Variants in EMCN observed in about 807,000 individuals in gnomAD.
EMCN encodes MUC-14.
Under a neutral mutation model 38.4 loss-of-function variants are expected in EMCN, and 37 were observed. That is an observed-to-expected ratio of 0.96 (90% CI 0.74 to 1.27). EMCN has a LOEUF of 1.27. EMCN is among the 50% of genes most tolerant of loss of function. The probability of loss-of-function intolerance (pLI) is 0.00; values close to 1 mark genes in which losing one functional copy is unlikely to be tolerated. For synonymous variants in EMCN, 95 were observed against 100.8 expected (o/e 0.94, Z 0.35); for missense variants, 318 against 302.8 (o/e 1.05, Z -0.37).
rs566369719 is a variant in EMCN, at chr4:100,434,857, G to A, written c.416-11453C>T. Reference sequence around the variant, plus strand: ...ATGTTAAAAACTCTAAATAAACTGGGTATTGAAGGAACATACCTCTAAATA... The same window carrying A: ...ATGTTAAAAACTCTAAATAAACTGGATATTGAAGGAACATACCTCTAAATA... On this transcript the variant is annotated intron_variant, in intron 5 of 11. Transcript: ENST00000296420. Among the ~76,000 whole-genome samples the A allele has an allele frequency of 9.2e-5, 14 of 152,140 alleles. No homozygotes were observed. In the South Asian group the frequency reaches 1.2e-3, roughly 14 times the overall value.
In EMCN at chr4:100,447,445, G is replaced by GC. The variant is rs1379973422; in HGVS notation, c.415+87dup. The GC allele has an allele frequency of 1.3e-5, 12 of 892,222 alleles. No individual in the cohort carries two copies. The East Asian group carries it at 2.9e-4, about 22-fold the overall frequency. 55.3% of individuals were successfully genotyped at this position (892,222 alleles called of 1,614,324 possible). On this transcript the variant is annotated intron_variant, in intron 5 of 11. Transcript: ENST00000296420. ...GTTTTCCCTTGTGCTATTTCTCCCT[G>GC]CCCCCAAACTGATTGGTGTAATTTG...
chr4:100,408,301 T>C (rs183669910), intron 11 of EMCN, among the ~76,000 whole-genome samples: 1 of 152,236 alleles, frequency 6.6e-6, no homozygotes, highest in Non-Finnish European at 1.5e-5. Flanking sequence ...CAATCTGGCT[T>C]TTAGAGTTTC....
rs773192935 is a variant in EMCN, at chr4:100,410,277, C to A, written c.*39+5G>T. The stretch of plus-strand genomic sequence containing the variant: ...TGTCTCCGTGAATGAAATTGGGAAA[C>A]TTACGTAATTATTGCCTAGGTGTGG... On this transcript the variant is annotated splice_donor_5th_base_variant and intron_variant, in intron 11 of 11. Transcript: ENST00000296420. 4 of 1,587,302 alleles carry A rather than the reference C, an allele frequency of 2.5e-6. No individual in the cohort carries two copies. Among genetic ancestry groups the A allele is most frequent in the Non-Finnish European group, 3.5e-6 (4 of 1,156,004 alleles).
At chr4:100,503,478 A>G (rs1729402319) in intron 1 of EMCN, among the ~76,000 whole-genome samples, 1 of 152,076 alleles carries the variant, frequency 6.6e-6, no homozygotes, top group African/African-American at 2.4e-5. Context: ...TCAGCAGAGG[A>G]TTACCAACCT....
At chr4:100,513,921 T>G (rs1389375532) in intron 1 of EMCN, among the ~76,000 whole-genome samples, 1 of 152,146 alleles carries the variant, frequency 6.6e-6, no homozygotes. Context: ...TCAAGGCACT[T>G]ATAATCTTGT....
chr4:100,478,143 C>T (rs1470120030), intron 2 of EMCN, among the ~76,000 whole-genome samples: 1 of 152,084 alleles, frequency 6.6e-6, no homozygotes, highest in East Asian at 1.9e-4. Context: ...ACCACGGACC[C>T]CAATTTGCCT....
chr4:100,501,547 G>A (rs1216474371), intron 1 of EMCN, among the ~76,000 whole-genome samples: 2 of 151,952 alleles, frequency 1.3e-5, no homozygotes, highest in African/African-American at 2.4e-5. Context: ...AATTACTAAG[G>A]ATTTCTTGGT....
Position 100,518,009 on chromosome 4 carries a change from G to T in EMCN, c.-95C>A, listed in dbSNP as rs762216244. 5.6e-6 allele frequency: 7 copies of T among 1,242,948 alleles called. No homozygotes were observed. The highest frequency in any genetic ancestry group is 1.2e-5 in the South Asian group (1 of 82,874). 77.0% of individuals were successfully genotyped at this position (1,242,948 alleles called of 1,614,324 possible). On this transcript the variant is annotated 5_prime_UTR_variant, in exon 1 of 12. Transcript: ENST00000296420. Reference sequence around the variant, plus strand: ...CAGGGCCTTATTAGCAAATGGAAAAGGTGTAGTGAATGTGAATAGCCACTG... The same window carrying T: ...CAGGGCCTTATTAGCAAATGGAAAATGTGTAGTGAATGTGAATAGCCACTG...
At chr4:100,474,922 T>C in intron 3 of EMCN, 116 bp downstream of exon 3, 1 of 421,758 alleles carries the variant, frequency 2.4e-6, no homozygotes. Context: ...TGGTGGTGGC[T>C]GTAAAATCTT....
chr4:100,409,497 G>A (rs765838764), intron 11 of EMCN, among the ~76,000 whole-genome samples: 17 of 152,144 alleles, frequency 1.1e-4, no homozygotes, highest in Non-Finnish European at 2.5e-4. Flanking sequence ...TCATGACATG[G>A]AACATACTTT....
chr4:100,432,668 A>G (rs1727235143), intron 5 of EMCN, among the ~76,000 whole-genome samples: 2 of 152,138 alleles, frequency 1.3e-5, no homozygotes, highest in African/African-American at 2.4e-5. Context: ...AATATTGAGC[A>G]TAATTTTCTC....
At chr4:100,420,781 T>G (rs1034069561) in intron 8 of EMCN, among the ~76,000 whole-genome samples, 2 of 152,046 alleles carry the variant, frequency 1.3e-5, no homozygotes, top group African/African-American at 2.4e-5. Flanking sequence ...AAGTCTACTC[T>G]AAAATAGAAA....
intron 3 of EMCN, among the ~76,000 whole-genome samples, chr4:100,474,834 G>A (rs57635496): frequency 0.047 from 7,090 of 152,200 alleles, 580 homozygotes; most frequent in African/African-American, 0.16. Context: ...CCAGAAGCTG[G>A]GAGGGGGATA....
chr4:100,486,236 A>T (rs1230794627), intron 1 of EMCN, among the ~76,000 whole-genome samples: 1 of 152,216 alleles, frequency 6.6e-6, no homozygotes, highest in Non-Finnish European at 1.5e-5. Flanking sequence ...AAAATTTTTC[A>T]AGAAAAGCCA....
At chr4:100,411,333 C>T (rs75360326) in intron 10 of EMCN, among the ~76,000 whole-genome samples, 1,571 of 152,252 alleles carry the variant, frequency 0.01, 27 homozygotes, top group African/African-American at 0.036. Flanking sequence ...GAAGACACAG[C>T]ACCTGCTTGG....
intron 1 of EMCN, among the ~76,000 whole-genome samples, 185 bp from the exon 2 acceptor site, chr4:100,480,224 A>AT (rs1215131598): frequency 6.6e-6 from 1 of 152,040 alleles, no homozygotes; most frequent in Non-Finnish European, 1.5e-5. Flanking sequence ...AGTGGCATGA[A>AT]TTTTCAAGAT....
At chr4:100,442,262 C>A (rs1190522328) in intron 5 of EMCN, among the ~76,000 whole-genome samples, 1 of 152,164 alleles carries the variant, frequency 6.6e-6, no homozygotes, top group East Asian at 1.9e-4. Flanking sequence ...CCACTGATAA[C>A]CTAATGGCAA....
At chr4:100,478,734 A>G (rs1412543263) in intron 2 of EMCN, among the ~76,000 whole-genome samples, 2 of 152,194 alleles carry the variant, frequency 1.3e-5, no homozygotes, top group Non-Finnish European at 2.9e-5. Context: ...CTGACCCATT[A>G]CATTCTTTAT....
chr4:100,400,723 C>T (rs1726234392), intron 11 of EMCN, among the ~76,000 whole-genome samples: 1 of 152,142 alleles, frequency 6.6e-6, no homozygotes, highest in Admixed American at 6.6e-5. Context: ...GGATAATGCT[C>T]ATGATTGATA....
Sources: allele counts gnomAD v4.1 joint callset (sites outside exome capture counted in the v4.1 genomes callset), GRCh38; gene constraint gnomAD v4.1.1; transcripts MANE v1.5; gene names NCBI Gene and HGNC (gene_info 2026-07-23, HGNC 2026-07-21).